OR2V2: variants seen among roughly 807,000 people sequenced by gnomAD.
The protein encoded by OR2V2 is olfactory receptor family 2 subfamily V member 2.
For synonymous variants in OR2V2, 161 were observed against 151.3 expected (o/e 1.06, Z -0.47); for missense variants, 392 against 392.2 (o/e 1.00, Z 0.00).
chr5:181,151,198 G>A (rs182271497), intron 1 of OR2V2, among the ~76,000 whole-genome samples: 37 of 152,290 alleles, frequency 2.4e-4, no homozygotes, highest in Non-Finnish European at 4.3e-4. Flanking sequence ...TGCATCTGGC[G>A]TGCTCCAGGA....
rs1763272465 is a variant in OR2V2 at position 181,156,832 on chromosome 5, A to G, written c.*942A>G. On this transcript the variant is annotated 3_prime_UTR_variant, in exon 2 of 2. Transcript: ENST00000641492. ...ACTCCTCACACTGGAAACTTCATAAAGACGTATTAAAAGCATACAAGTTGT... is the reference window on the plus strand; with the variant it reads ...ACTCCTCACACTGGAAACTTCATAAGGACGTATTAAAAGCATACAAGTTGT... 1 of 152,260 alleles carries G rather than the reference A, an allele frequency of 6.6e-6. No homozygotes were observed. Among genetic ancestry groups the G allele is most frequent in the Non-Finnish European group, 1.5e-5 (1 of 68,054 alleles). 9.4% of individuals were successfully genotyped at this position (152,260 alleles called of 1,614,324 possible).
intron 1 of OR2V2, among the ~76,000 whole-genome samples, chr5:181,151,556 A>T (rs966287521): frequency 2.0e-5 from 3 of 152,100 alleles, no homozygotes; most frequent in African/African-American, 7.2e-5. Flanking sequence ...GCAAAAGTGG[A>T]CTTGAGCTGA....
At chr5:181,148,713 T>A (rs1763157085) in intron 1 of OR2V2, among the ~76,000 whole-genome samples, 1 of 152,138 alleles carries the variant, frequency 6.6e-6, no homozygotes, top group Non-Finnish European at 1.5e-5. Flanking sequence ...GTGGAGAGCA[T>A]GGAGCCCGCC....
rs758815605 is a variant in OR2V2 at position 181,157,836 on chromosome 5, C to G, written c.*1946C>G. ...CTCAGATTTCTCTGGGATTTTGCAC[C>G]CTTCAACCCGTAAGTACCTTGAGTG... On this transcript the variant is annotated 3_prime_UTR_variant, in exon 2 of 2. Transcript: ENST00000641492. 1 of 152,148 alleles carries G rather than the reference C, an allele frequency of 6.6e-6. No homozygotes were observed. Among genetic ancestry groups the G allele is most frequent in the African/African-American group, 2.4e-5 (1 of 41,438 alleles). 9.4% of individuals were successfully genotyped at this position (152,148 alleles called of 1,614,324 possible). A position where few individuals can be genotyped will look rare whatever the true frequency, so the allele number is the denominator to read the frequency against.
rs1183686269 is a variant in OR2V2, at chr5:181,158,355, G to C, written c.*2465G>C. ...TACATGTGGGGGGGGGGCAGGTGCG[G>C]TGGCTCACATCTGTAATCCAAGCAC... is the stretch of plus-strand genomic sequence containing the variant. On this transcript the variant is annotated 3_prime_UTR_variant, in exon 2 of 2. Coordinates refer to ENST00000641492, the MANE Select transcript of OR2V2 (RefSeq NM_206880.2). 6.6e-6 allele frequency: 1 copy of C among 152,054 alleles called. No individual in the cohort carries two copies. Among genetic ancestry groups the C allele is most frequent in the Non-Finnish European group, 1.5e-5 (1 of 68,030 alleles). 9.4% of individuals were successfully genotyped at this position (152,054 alleles called of 1,614,324 possible).
rs1046310398 is a variant in OR2V2 at position 181,157,634 on chromosome 5, C to T, written c.*1744C>T. 1 of 151,970 alleles carries T rather than the reference C, an allele frequency of 6.6e-6. No homozygotes were observed. The highest frequency in any genetic ancestry group is 2.4e-5 in the African/African-American group (1 of 41,352). The allele number at this position is 151,970 out of a possible 1,614,324, so 9.4% of individuals were successfully genotyped here. A position where few individuals can be genotyped will look rare whatever the true frequency, so the allele number is the denominator to read the frequency against. The stretch of plus-strand genomic sequence containing the variant: ...GATGGATCTTAGTGTATTCTGTGAC[C>T]ACTTGCTGATATCACTTAGGTAATG... On this transcript the variant is annotated 3_prime_UTR_variant, in exon 2 of 2. Coordinates refer to ENST00000641492, the MANE Select transcript of OR2V2 (RefSeq NM_206880.2).
At position 181,152,769 on chromosome 5, in the gene OR2V2, G is replaced by A. The variant is rs568169016; in HGVS notation, c.-24-2150G>A. On this transcript the variant is annotated intron_variant, in intron 1 of 1. Transcript: ENST00000641492. ...TCTGGAGGATCACTTGCCCTGGCAGGAGGCAATGGCCACGTGGTGAGGCAC... is the reference window on the plus strand; with the variant it reads ...TCTGGAGGATCACTTGCCCTGGCAGAAGGCAATGGCCACGTGGTGAGGCAC... Among the ~76,000 whole-genome samples, 4 of 152,336 alleles carry A rather than the reference G, an allele frequency of 2.6e-5. No homozygotes were observed. The South Asian group carries it at 8.3e-4, about 32-fold the overall frequency.
rs931482655 is a variant in OR2V2 at position 181,158,254 on chromosome 5, G to C, written c.*2364G>C. 1.3e-5 allele frequency: 2 copies of C among 151,868 alleles called. No individual in the cohort carries two copies. 9.4% of individuals were successfully genotyped at this position (151,868 alleles called of 1,614,324 possible). On this transcript the variant is annotated 3_prime_UTR_variant, in exon 2 of 2. Transcript: ENST00000641492. ...TTATGAAACAAGAGTTGCATAACTA[G>C]TCTCAGTGTGAGCAACTGCAAACTT...
At chr5:181,149,882 TG>T (rs1241889545) in intron 1 of OR2V2, among the ~76,000 whole-genome samples, 1 of 152,072 alleles carries the variant, frequency 6.6e-6, no homozygotes, top group Non-Finnish European at 1.5e-5. Flanking sequence ...AAGAGAGAGA[TG>T]GACAGAGAAA....
intron 1 of OR2V2, among the ~76,000 whole-genome samples, chr5:181,151,515 G>A (rs12654589): frequency 0.032 from 4,903 of 152,280 alleles, 252 homozygotes; most frequent in East Asian, 0.24. Flanking sequence ...GGAAGGGATC[G>A]TCTGGTGGGG....
In OR2V2 at chr5:181,155,561, A is replaced by G. The variant is rs992549696; in HGVS notation, c.619A>G (p.Met207Val). ...EKVIFACCVFMLLFPFSIIVA... is the reference protein window; with the variant it reads ...EKVIFACCVFVLLFPFSIIVA... The stretch of plus-strand genomic sequence containing the variant: ...GGTGATATTTGCTTGCTGTGTCTTC[A>G]TGCTTCTCTTCCCATTCTCCATCAT... The change falls in exon 2 of 2, where the codon ATG becomes GTG. Residue 207 changes from methionine to valine, a missense_variant. Met to Val is a conservative substitution (Grantham distance 21). Transcript: ENST00000641492. The G allele has an allele frequency of 2.0e-5, 33 of 1,614,050 alleles. No individual in the cohort carries two copies. Among genetic ancestry groups the G allele is most frequent in the Non-Finnish European group, 2.6e-5 (31 of 1,180,032 alleles).
At position 181,147,878 on chromosome 5, in the gene OR2V2, T is replaced by A. The variant is rs1763143216; in HGVS notation, c.-142T>A. On this transcript the variant is annotated 5_prime_UTR_variant, in exon 1 of 2. Coordinates refer to ENST00000641492, the MANE Select transcript of OR2V2 (RefSeq NM_206880.2). ...GGAAGGAGGTTGGGGCTGCGGCTCCTCCTGTCCCCTGACCCAGTGGGAGCA... is the reference window on the plus strand; with the variant it reads ...GGAAGGAGGTTGGGGCTGCGGCTCCACCTGTCCCCTGACCCAGTGGGAGCA... 2.5e-6 allele frequency: 1 copy of A among 397,362 alleles called. No individual in the cohort carries two copies. The highest frequency in any genetic ancestry group is 4.4e-5 in the Admixed American group (1 of 22,686). 24.6% of individuals were successfully genotyped at this position (397,362 alleles called of 1,614,324 possible).
At chr5:181,150,655 T>A (rs1171330193) in intron 1 of OR2V2, among the ~76,000 whole-genome samples, 2 of 152,116 alleles carry the variant, frequency 1.3e-5, no homozygotes, top group Admixed American at 1.3e-4. Flanking sequence ...CTCAGGACAC[T>A]CAGCCAGTGG....
intron 1 of OR2V2, among the ~76,000 whole-genome samples, chr5:181,148,907 A>G (rs558347662): frequency 6.6e-6 from 1 of 152,262 alleles, no homozygotes; most frequent in Non-Finnish European, 1.5e-5. Context: ...AGGCCCTTGG[A>G]TTGGCCTTGG....
At position 181,148,706 on chromosome 5, in the gene OR2V2, G is replaced by T. The variant is rs527628263; in HGVS notation, c.-25+711G>T. Among the ~76,000 whole-genome samples the T allele has an allele frequency of 3.3e-5, 5 of 152,376 alleles. No individual in the cohort carries two copies. The East Asian group carries it at 9.6e-4, about 29-fold the overall frequency. ...GAAAGCAGGAGAAAGTGTCTTCGTG[G>T]AGAGCATGGAGCCCGCCTCCTGGCT... On this transcript the variant is annotated intron_variant, in intron 1 of 1. Coordinates refer to ENST00000641492, the MANE Select transcript of OR2V2 (RefSeq NM_206880.2).
intron 1 of OR2V2, among the ~76,000 whole-genome samples, chr5:181,149,034 A>C (rs111301079): frequency 4.6e-4 from 70 of 152,290 alleles, no homozygotes; most frequent in African/African-American, 1.6e-3. Context: ...CCTGCGGATG[A>C]GGTCTTGCAT....
intron 1 of OR2V2, among the ~76,000 whole-genome samples, chr5:181,150,244 C>A (rs1023301422): frequency 2.6e-5 from 4 of 152,224 alleles, no homozygotes; most frequent in African/African-American, 9.6e-5. Context: ...AGGCTCTGCA[C>A]CTGGGCAGGC....
intron 1 of OR2V2, among the ~76,000 whole-genome samples, 161 bp downstream of exon 1, chr5:181,148,156 C>T (rs1189676193): frequency 1.3e-5 from 2 of 152,194 alleles, no homozygotes; most frequent in African/African-American, 2.4e-5. Flanking sequence ...GGGGGGCATC[C>T]GCCTTCTGGT....
Position 181,156,209 on chromosome 5 carries a change from T to A in OR2V2, c.*319T>A. 1 of 260,956 alleles carries A rather than the reference T, an allele frequency of 3.8e-6. No homozygotes were observed. The highest frequency in any genetic ancestry group is 1.3e-3 in the Middle Eastern group (1 of 742). The allele number at this position is 260,956 out of a possible 1,614,324, so 16.2% of individuals were successfully genotyped here. ...GCAGCCTTGATCTCCTGGGCTCAGGTGAGTCTCCAACTCAGCCTCCTGAGT... is the reference window on the plus strand; with the variant it reads ...GCAGCCTTGATCTCCTGGGCTCAGGAGAGTCTCCAACTCAGCCTCCTGAGT... On this transcript the variant is annotated 3_prime_UTR_variant, in exon 2 of 2. Coordinates refer to ENST00000641492, the MANE Select transcript of OR2V2 (RefSeq NM_206880.2).
Sources: gnomAD v4.1 joint callset for allele counts (sites outside exome capture counted in the v4.1 genomes callset) on GRCh38, gnomAD v4.1.1 for gene constraint, MANE v1.5 for transcripts, NCBI Gene and HGNC (gene_info 2026-07-23, HGNC 2026-07-21) for gene names.